Variants in FOXP1 observed in about 807,000 individuals in gnomAD.
FOXP1 encodes the protein forkhead box protein P1.
A neutral mutation model predicts 98.2 loss-of-function variants in FOXP1; 15 were observed. The observed-to-expected ratio is 0.15, with a 90% CI of 0.10 to 0.24. The LOEUF (loss-of-function observed/expected upper bound fraction) is 0.24. Among genes scored for constraint, FOXP1 ranks in the 10% least tolerant of loss-of-function variants. The probability of loss-of-function intolerance (pLI) is 1.00; values close to 1 mark genes in which losing one functional copy is unlikely to be tolerated. For synonymous variants in FOXP1, 371 were observed against 314.5 expected (o/e 1.18, Z -1.90); for missense variants, 633 against 848.5 (o/e 0.75, Z 3.15).
At chr3:71,397,465 A>T (rs2081614001) in intron 3 of FOXP1, among the ~76,000 whole-genome samples, 1 of 152,246 alleles carries the variant, frequency 6.6e-6, no homozygotes, top group Admixed American at 6.5e-5. Context: ...TTGTTCAACA[A>T]ATACTTTCCA....
Position 71,215,518 on chromosome 3 carries a change from T to C in FOXP1, c.-11-17126A>G, listed in dbSNP as rs528893985. ...TGTATGTAAAGTGTCTTGTATGTAG[T>C]AGGTGCTCAATAAATCACAGTGATT... is the stretch of plus-strand genomic sequence containing the variant. On this transcript the variant is annotated intron_variant, in intron 5 of 20. Coordinates refer to ENST00000649528, the MANE Select transcript of FOXP1 (RefSeq NM_001349338.3). 2.4e-4 allele frequency among the ~76,000 whole-genome samples: 36 copies of C among 152,348 alleles called. No homozygotes were observed. The South Asian group carries it at 6.8e-3, about 29-fold the overall frequency.
chr3:71,363,754 T>G (rs186703530), intron 3 of FOXP1, among the ~76,000 whole-genome samples: 1 of 152,212 alleles, frequency 6.6e-6, no homozygotes, highest in Non-Finnish European at 1.5e-5. Context: ...AACACACAGC[T>G]GGAATGCATT....
chr3:71,547,526 G>A (rs945639570), intron 2 of FOXP1, among the ~76,000 whole-genome samples: 4 of 152,160 alleles, frequency 2.6e-5, no homozygotes, highest in African/African-American at 9.7e-5. Context: ...TACCACTAGG[G>A]AACCAATGTC....
chr3:71,290,617 G>T (rs2072645896), intron 5 of FOXP1, among the ~76,000 whole-genome samples: 1 of 152,042 alleles, frequency 6.6e-6, no homozygotes, highest in Non-Finnish European at 1.5e-5. Context: ...CCCCTCAATG[G>T]CTCCCCAATA....
intron 1 of FOXP1, 129 bp downstream of exon 1, chr3:71,583,442 T>A (rs1578285647): frequency 1.0e-6 from 1 of 977,560 alleles, no homozygotes; most frequent in African/African-American, 1.8e-5. Flanking sequence ...TTTTTTCCAT[T>A]TTTTTTCTCT....
intron 11 of FOXP1, among the ~76,000 whole-genome samples, chr3:71,022,385 T>C (rs1224476281): frequency 6.6e-6 from 1 of 152,234 alleles, no homozygotes; most frequent in East Asian, 1.9e-4. Context: ...TGAAATTACA[T>C]TAAGCTATAA....
intron 5 of FOXP1, among the ~76,000 whole-genome samples, chr3:71,297,279 C>A (rs893653928): frequency 1.3e-5 from 2 of 152,180 alleles, no homozygotes; most frequent in East Asian, 1.9e-4. Flanking sequence ...GTAATATAGA[C>A]TATTTTTCTC....
Position 71,024,039 on chromosome 3 carries a change from C to T in FOXP1, c.870-8386G>A, listed in dbSNP as rs949404232. ...TTTTTCATACTGTTGTATATCCCCT[C>T]GAAATCAGCTGGAAATCAGCTGGAA... On this transcript the variant is annotated intron_variant, in intron 11 of 20. Coordinates refer to ENST00000649528, the MANE Select transcript of FOXP1 (RefSeq NM_001349338.3). Among the ~76,000 whole-genome samples, 5 of 152,144 alleles carry T rather than the reference C, an allele frequency of 3.3e-5. No homozygotes were observed. The South Asian group carries it at 6.2e-4, about 19-fold the overall frequency.
At chr3:71,210,050 T>TA (rs1272903333) in intron 5 of FOXP1, among the ~76,000 whole-genome samples, 2 of 152,092 alleles carry the variant, frequency 1.3e-5, no homozygotes, top group East Asian at 1.9e-4. Flanking sequence ...AAAAGGATAT[T>TA]AAAAAAATAA....
chr3:71,504,277 G>A (rs1029451614), intron 2 of FOXP1, among the ~76,000 whole-genome samples: 1 of 151,944 alleles, frequency 6.6e-6, no homozygotes, highest in Non-Finnish European at 1.5e-5. Flanking sequence ...AGGAACCAAA[G>A]CTACCATAAC....
intron 6 of FOXP1, among the ~76,000 whole-genome samples, chr3:71,184,757 G>GTT (rs879441185): frequency 2.7e-4 from 38 of 141,862 alleles, no homozygotes; most frequent in Admixed American, 9.9e-4. Context: ...GCTGTGTAAC[G>GTT]TTTTTTTTTT....
chr3:71,248,766 T>C (rs1319452102), intron 5 of FOXP1, among the ~76,000 whole-genome samples: 1 of 150,240 alleles, frequency 6.7e-6, no homozygotes, highest in African/African-American at 2.4e-5. Flanking sequence ...AAATTCAGCA[T>C]GAAGTCGAAT....
At chr3:71,222,254 G>A (rs772469111) in intron 5 of FOXP1, among the ~76,000 whole-genome samples, 6 of 152,112 alleles carry the variant, frequency 3.9e-5, no homozygotes, top group Non-Finnish European at 8.8e-5. Context: ...ACACGCTGGC[G>A]GTCCCTGGAC....
At chr3:71,350,521 T>A (rs1399440383) in intron 4 of FOXP1, among the ~76,000 whole-genome samples, 1 of 152,054 alleles carries the variant, frequency 6.6e-6, no homozygotes, top group African/African-American at 2.4e-5. Context: ...TGGCAGATGG[T>A]AGGTGGATGG....
intron 6 of FOXP1, among the ~76,000 whole-genome samples, chr3:71,197,000 C>T (rs1367983931): frequency 6.6e-6 from 1 of 152,190 alleles, no homozygotes; most frequent in Non-Finnish European, 1.5e-5. Context: ...GTTCCACCAC[C>T]TTGTAAGGAG....
chr3:71,310,154 T>C (rs530878888), intron 4 of FOXP1, among the ~76,000 whole-genome samples: 24 of 152,358 alleles, frequency 1.6e-4, no homozygotes, highest in African/African-American at 5.5e-4. Context: ...GAATCTATTA[T>C]TTTCCCGTGT....
chr3:70,989,546 T>C (rs910599618), intron 13 of FOXP1, among the ~76,000 whole-genome samples: 4 of 152,116 alleles, frequency 2.6e-5, no homozygotes, highest in African/African-American at 9.6e-5. Flanking sequence ...CTTAGAACAA[T>C]TAAAATGTTG....
At chr3:71,196,064 T>C (rs2063281571) in intron 6 of FOXP1, among the ~76,000 whole-genome samples, 1 of 152,244 alleles carries the variant, frequency 6.6e-6, no homozygotes, top group Non-Finnish European at 1.5e-5. Flanking sequence ...AAGGCTTTGC[T>C]AATCACAATA....
chr3:71,582,876 G>A (rs1470835371), intron 1 of FOXP1: 7 of 926,800 alleles, frequency 7.6e-6, no homozygotes, highest in Admixed American at 1.2e-4. Context: ...GCGTGGCAGC[G>A]GGGAAGTTCC....
Sources: gnomAD v4.1 joint callset for allele counts (sites outside exome capture counted in the v4.1 genomes callset) on GRCh38, gnomAD v4.1.1 for gene constraint, MANE v1.5 for transcripts, NCBI Gene and HGNC (gene_info 2026-07-23, HGNC 2026-07-21) for gene names.